KIRREL3: variants seen among roughly 807,000 people sequenced by gnomAD.
The protein encoded by KIRREL3 is kirre like nephrin family adhesion molecule 3.
Under a neutral mutation model 89.7 loss-of-function variants are expected in KIRREL3, and 36 were observed. The ratio of observed to expected loss-of-function variants is 0.40; its 90% confidence interval spans 0.31 to 0.53. The LOEUF is 0.53. Among genes scored for constraint, KIRREL3 ranks in the 20% least tolerant of loss-of-function variants. The pLI is 0.49. For missense variants in KIRREL3, 864 were observed against 1,056.6 expected (o/e 0.82, Z 2.53); for synonymous variants, 445 against 441.4 (o/e 1.01, Z -0.10).
intron 1 of KIRREL3, among the ~76,000 whole-genome samples, chr11:126,956,186 C>A (rs570213115): frequency 3.9e-5 from 6 of 152,304 alleles, no homozygotes; most frequent in African/African-American, 1.2e-4. Flanking sequence ...CTTACTCAAC[C>A]AATGAGCACT....
intron 1 of KIRREL3, among the ~76,000 whole-genome samples, chr11:126,613,273 C>T (rs1417836343): frequency 2.0e-5 from 3 of 151,968 alleles, no homozygotes; most frequent in Admixed American, 6.5e-5. Flanking sequence ...TTCGTGATTA[C>T]AGGCTCGCAC....
intron 1 of KIRREL3, among the ~76,000 whole-genome samples, chr11:126,638,830 G>A (rs184781835): frequency 4.2e-4 from 64 of 152,208 alleles, no homozygotes; most frequent in Admixed American, 3.3e-3. Flanking sequence ...TTCAAAAGCC[G>A]GCTAATGACC....
intron 1 of KIRREL3, among the ~76,000 whole-genome samples, chr11:126,712,960 A>G (rs546864533): frequency 4.0e-5 from 6 of 151,788 alleles, no homozygotes; most frequent in African/African-American, 1.2e-4. Flanking sequence ...GCTAGGTGTT[A>G]GGTGTTGAGT....
chr11:126,611,809 G>T lies in KIRREL3; in HGVS notation c.56-48897C>A, dbSNP rs1943141828. 6.6e-6 allele frequency among the ~76,000 whole-genome samples: 1 copy of T among 152,208 alleles called. No individual in the cohort carries two copies. The highest frequency in any genetic ancestry group is 2.4e-5 in the African/African-American group (1 of 41,440). ...CCCGCCAGGCTGATGCTTCAGGAAT[G>T]GATCACACCTTGGCTGGACCCATCA... On this transcript the variant is annotated intron_variant, in intron 1 of 16. Coordinates refer to ENST00000525144, the MANE Select transcript of KIRREL3 (RefSeq NM_032531.4). This position sits in a 1 kb window ranked among gnomAD's most constrained non-coding sequence, Gnocchi z 4.7.
rs1947093632 is a variant in KIRREL3 at position 126,917,612 on chromosome 11, G to C, written c.55+82843C>G. ...GTAGGCTGTGTGGGGAGTGAGTAAT[G>C]ATCACCTGGTGCAATCTGGTTTCTA... On this transcript the variant is annotated intron_variant, in intron 1 of 16. Transcript: ENST00000525144. This position sits in a 1 kb window ranked among gnomAD's most constrained non-coding sequence, Gnocchi z 5.0. 3.3e-5 allele frequency among the ~76,000 whole-genome samples: 5 copies of C among 152,072 alleles called. No individual in the cohort carries two copies. Among genetic ancestry groups the C allele is most frequent in the Non-Finnish European group, 7.4e-5 (5 of 68,024 alleles).
intron 1 of KIRREL3, among the ~76,000 whole-genome samples, chr11:126,753,287 G>A (rs566995334): frequency 2.0e-5 from 3 of 152,248 alleles, no homozygotes; most frequent in African/African-American, 7.2e-5. Flanking sequence ...GCCTCAGAGG[G>A]GCTCCATGGC....
In KIRREL3 at chr11:126,492,296, C is replaced by T. The variant is rs115337617; in HGVS notation, c.434-18830G>A. Among the ~76,000 whole-genome samples the T allele has an allele frequency of 0.029, 4,400 of 152,144 alleles. 224 individuals carry two copies. Among genetic ancestry groups the T allele is most frequent in the African/African-American group, 0.098 (4,069 of 41,486 alleles). ...GGGAAGGGAGGTCAGGCCTCTTTTTCCCAAGCCTGTTCCCCTACCCCCGAT... is the reference window on the plus strand; with the variant it reads ...GGGAAGGGAGGTCAGGCCTCTTTTTTCCAAGCCTGTTCCCCTACCCCCGAT... On this transcript the variant is annotated intron_variant, in intron 4 of 16. Coordinates refer to ENST00000525144, the MANE Select transcript of KIRREL3 (RefSeq NM_032531.4). This position sits in a 1 kb window ranked among gnomAD's most constrained non-coding sequence, Gnocchi z 4.8.
In KIRREL3 at chr11:126,655,272, T is replaced by A. The variant is rs1003488289; in HGVS notation, c.56-92360A>T. Among the ~76,000 whole-genome samples the A allele has an allele frequency of 6.6e-5, 10 of 152,222 alleles. No homozygotes were observed. Among genetic ancestry groups the A allele is most frequent in the Non-Finnish European group, 1.2e-4 (8 of 68,040 alleles). ...CAGGAGAGCTCTCGCTGTTGCCTGC[T>A]TTTATCTGGAAAACAATGTGAGCAG... On this transcript the variant is annotated intron_variant, in intron 1 of 16. Coordinates refer to ENST00000525144, the MANE Select transcript of KIRREL3 (RefSeq NM_032531.4). The surrounding 1 kb of genome is among the most constrained non-coding windows in gnomAD (Gnocchi z 5.0).
intron 11 of KIRREL3, among the ~76,000 whole-genome samples, chr11:126,438,338 C>T (rs1050143544): frequency 2.6e-5 from 4 of 152,232 alleles, no homozygotes; most frequent in South Asian, 2.1e-4. Context: ...TGCACCTCAT[C>T]GTGTAAGCGC....
At position 126,883,628 on chromosome 11, in the gene KIRREL3, C is replaced by T. The variant is rs1945588401; in HGVS notation, c.55+116827G>A. 6.6e-6 allele frequency among the ~76,000 whole-genome samples: 1 copy of T among 152,156 alleles called. No individual in the cohort carries two copies. The highest frequency in any genetic ancestry group is 1.5e-5 in the Non-Finnish European group (1 of 68,028). On this transcript the variant is annotated intron_variant, in intron 1 of 16. Transcript: ENST00000525144. The surrounding 1 kb of genome is among the most constrained non-coding windows in gnomAD (Gnocchi z 4.1). Reference sequence around the variant, plus strand: ...TGTATTGTTCTTACGTCAGCACTCCCATAAAACCTCTATTTTAGCATTTAC... The same window carrying T: ...TGTATTGTTCTTACGTCAGCACTCCTATAAAACCTCTATTTTAGCATTTAC...
intron 1 of KIRREL3, chr11:126,935,909 A>C (rs1443800343): frequency 6.6e-6 from 1 of 152,214 alleles, no homozygotes; most frequent in African/African-American, 2.4e-5. Context: ...ATGGAGGTCC[A>C]TCAGTTGTAA....
At position 126,612,419 on chromosome 11, in the gene KIRREL3, A is replaced by G. The variant is rs867194646; in HGVS notation, c.56-49507T>C. Among the ~76,000 whole-genome samples the G allele has an allele frequency of 6.6e-6, 1 of 152,310 alleles. No individual in the cohort carries two copies. Among genetic ancestry groups the G allele is most frequent in the Middle Eastern group, 3.4e-3 (1 of 294 alleles). On this transcript the variant is annotated intron_variant, in intron 1 of 16. Coordinates refer to ENST00000525144, the MANE Select transcript of KIRREL3 (RefSeq NM_032531.4). This position sits in a 1 kb window ranked among gnomAD's most constrained non-coding sequence, Gnocchi z 4.5. ...TCTTGATCTCATACTTGTGTTCTCT[A>G]TGCATCCTATCACCTGGCTCTGCTA... is the stretch of plus-strand genomic sequence containing the variant.
intron 1 of KIRREL3, among the ~76,000 whole-genome samples, chr11:126,825,439 A>G (rs1943373154): frequency 6.6e-6 from 1 of 152,244 alleles, no homozygotes; most frequent in Non-Finnish European, 1.5e-5. Flanking sequence ...CTTCTTTATT[A>G]ATACAGTGAA....
At chr11:126,800,993 C>CT (rs1159920780) in intron 1 of KIRREL3, among the ~76,000 whole-genome samples, 1 of 152,188 alleles carries the variant, frequency 6.6e-6, no homozygotes, top group Non-Finnish European at 1.5e-5. Flanking sequence ...GGGAACACTG[C>CT]TTTAGCAGCT....
Position 126,997,445 on chromosome 11 carries a change from G to A in KIRREL3, c.55+3010C>T, listed in dbSNP as rs11220694. Among the ~76,000 whole-genome samples, 5,011 of 152,158 alleles carry A rather than the reference G, an allele frequency of 0.033. 157 individuals are homozygous for A. Among genetic ancestry groups the A allele is most frequent in the East Asian group, 0.11 (575 of 5,152 alleles). On this transcript the variant is annotated intron_variant, in intron 1 of 16. Coordinates refer to ENST00000525144, the MANE Select transcript of KIRREL3 (RefSeq NM_032531.4). This position sits in a 1 kb window ranked among gnomAD's most constrained non-coding sequence, Gnocchi z 4.3. ...GGGAGCCAGGCCTGGGGACTCTGGC[G>A]GGGGTGGAATCGGGAGGAATGTTAT...
At chr11:126,533,825 G>C (rs1959013277) in intron 2 of KIRREL3, among the ~76,000 whole-genome samples, 2 of 152,206 alleles carry the variant, frequency 1.3e-5, no homozygotes, top group South Asian at 4.1e-4. Context: ...TGGAGATAGA[G>C]AGGATGCATC....
At position 126,668,743 on chromosome 11, in the gene KIRREL3, T is replaced by TTCTTTCTTTCTTTTTTC; in HGVS notation, c.56-105848_56-105832dup. The stretch of plus-strand genomic sequence containing the variant: ...TTTCTTTCTTTCTTTCTTTCTTTCT[T>TTCTTTCTTTCTTTTTTC]TCTTTCTTTCTTTTTTCTCTTTCTT... On this transcript the variant is annotated intron_variant, in intron 1 of 16. Coordinates refer to ENST00000525144, the MANE Select transcript of KIRREL3 (RefSeq NM_032531.4). This position sits in a 1 kb window ranked among gnomAD's most constrained non-coding sequence, Gnocchi z 4.4. 2.7e-5 allele frequency among the ~76,000 whole-genome samples: 4 copies of TTCTTTCTTTCTTTTTTC among 145,774 alleles called. No homozygotes were observed. Among genetic ancestry groups the TTCTTTCTTTCTTTTTTC allele is most frequent in the Non-Finnish European group, 4.6e-5 (3 of 65,128 alleles).
intron 1 of KIRREL3, among the ~76,000 whole-genome samples, chr11:126,942,854 T>G (rs1024287822): frequency 6.6e-5 from 10 of 152,090 alleles, no homozygotes; most frequent in Non-Finnish European, 1.5e-4. Flanking sequence ...CCCTTTTCCT[T>G]CTCTCTCTGA....
chr11:126,507,863 TG>T (rs1958077715), intron 4 of KIRREL3, among the ~76,000 whole-genome samples: 1 of 152,254 alleles, frequency 6.6e-6, no homozygotes, highest in Non-Finnish European at 1.5e-5. Context: ...CAGCGTTGTC[TG>T]GAAGAGTAAG....
Sources: gnomAD v4.1 joint callset for allele counts (sites outside exome capture counted in the v4.1 genomes callset) on GRCh38, gnomAD v4.1.1 for gene constraint, Gnocchi (gnomAD v3.1) non-coding constraint, MANE v1.5 for transcripts, NCBI Gene and HGNC (gene_info 2026-07-23, HGNC 2026-07-21) for gene names.